CLPB: variants seen among roughly 807,000 people sequenced by gnomAD.
CLPB encodes the protein ClpB family mitochondrial disaggregase, also known as mitochondrial disaggregase.
A neutral mutation model predicts 78.4 loss-of-function variants in CLPB; 40 were observed. The observed-to-expected ratio is 0.51, with a 90% confidence interval of 0.40 to 0.66. The LOEUF (loss-of-function observed/expected upper bound fraction) is 0.66. CLPB is among the 30% of genes least tolerant of loss of function. The probability of loss-of-function intolerance (pLI) is 0.00; values close to 1 mark genes in which losing one functional copy is unlikely to be tolerated. For missense variants in CLPB, 780 were observed against 886.9 expected (o/e 0.88, Z 1.53); for synonymous variants, 333 against 348.0 (o/e 0.96, Z 0.48).
chr11:72,342,079 A>C (rs1362462574), intron 5 of CLPB, among the ~76,000 whole-genome samples: 1 of 152,212 alleles, frequency 6.6e-6, no homozygotes, highest in African/African-American at 2.4e-5. Context: ...AACACTTCCT[A>C]GTTTGAGCGA....
intron 3 of CLPB, among the ~76,000 whole-genome samples, chr11:72,381,237 G>A (rs1273923334): frequency 1.3e-5 from 2 of 152,134 alleles, no homozygotes; most frequent in Non-Finnish European, 2.9e-5. Flanking sequence ...ATGGGGGAAG[G>A]AGAGGGAAGT....
intron 4 of CLPB, among the ~76,000 whole-genome samples, chr11:72,362,530 T>C (rs564942796): frequency 6.8e-4 from 103 of 152,308 alleles, no homozygotes; most frequent in Admixed American, 1.1e-3. Flanking sequence ...GTCAACAGTA[T>C]TTGGTGGGGC....
intron 11 of CLPB, 108 bp from the exon 12 acceptor site, chr11:72,295,756 C>A: frequency 9.2e-7 from 1 of 1,081,450 alleles, no homozygotes; most frequent in Admixed American, 2.3e-5. Context: ...AGCCCTGTGT[C>A]TCCCTCCAGC....
At chr11:72,397,115 C>T (rs1855429180) in intron 3 of CLPB, among the ~76,000 whole-genome samples, 1 of 152,214 alleles carries the variant, frequency 6.6e-6, no homozygotes, top group Non-Finnish European at 1.5e-5. Context: ...ATTTCTGCCC[C>T]TAAAGTTCTG....
At chr11:72,321,518 C>T (rs530099294) in intron 6 of CLPB, among the ~76,000 whole-genome samples, 5 of 152,286 alleles carry the variant, frequency 3.3e-5, no homozygotes, top group South Asian at 4.1e-4. Flanking sequence ...GCTGGGAGGC[C>T]GAGGCGAAGC....
At position 72,434,428 on chromosome 11, in the gene CLPB, A is replaced by G; in HGVS notation, c.47T>C (p.Leu16Pro). ...VLRRKALAPR[L>P]LLRLLRSPTL... ...TGGGGACCTGAGCAGCCGGAGGAGT[A>G]GCCGTGGCGCCAGTGCTTTTCTCCT... The change falls in exon 1 of 16, where the codon CTA becomes CCA. Residue 16 changes from leucine (L) to proline (P), a missense_variant. Coordinates refer to ENST00000538039, the MANE Select transcript of CLPB (RefSeq NM_001258392.3). The G allele has an allele frequency of 6.3e-7, 1 of 1,585,674 alleles. No individual in the cohort carries two copies. The highest frequency in any genetic ancestry group is 8.6e-7 in the Non-Finnish European group (1 of 1,163,612).
intron 7 of CLPB, among the ~76,000 whole-genome samples, chr11:72,315,188 G>A (rs946858264): frequency 2.6e-5 from 4 of 152,142 alleles, no homozygotes; most frequent in Non-Finnish European, 5.9e-5. Flanking sequence ...CTATTTAAGA[G>A]ACCAGTGAAT....
chr11:72,331,235 C>T (rs551411513), intron 5 of CLPB, among the ~76,000 whole-genome samples: 21 of 151,912 alleles, frequency 1.4e-4, no homozygotes, highest in East Asian at 9.8e-4. Context: ...AACGCCATCT[C>T]TCCTAAAAAA....
rs1855610631 is a variant in CLPB, at chr11:72,403,071, A to G, written c.456-19T>C. 6.2e-7 allele frequency: 1 copy of G among 1,608,770 alleles called. No individual in the cohort carries two copies. The highest frequency in any genetic ancestry group is 1.7e-5 in the Admixed American group (1 of 59,984). On this transcript the variant is annotated intron_variant, in intron 2 of 15. Coordinates refer to ENST00000538039, the MANE Select transcript of CLPB (RefSeq NM_001258392.3). The stretch of plus-strand genomic sequence containing the variant: ...CAACAGCCTAAAACAAGACAGAGGA[A>G]TATTTTCAGTGTATGGCTTGACATC...
intron 6 of CLPB, among the ~76,000 whole-genome samples, chr11:72,319,052 T>A (rs1171021821): frequency 2.0e-5 from 3 of 152,330 alleles, no homozygotes; most frequent in Non-Finnish European, 2.9e-5. Flanking sequence ...AAGGGTTTGT[T>A]GGGTCAGTTT....
intron 2 of CLPB, among the ~76,000 whole-genome samples, chr11:72,418,044 A>G (rs953632051): frequency 1.3e-5 from 2 of 152,214 alleles, no homozygotes; most frequent in Non-Finnish European, 2.9e-5. Flanking sequence ...CCCAGCCTCA[A>G]AGAGGATTCT....
intron 5 of CLPB, chr11:72,354,174 C>G (rs1319381220): frequency 5.4e-6 from 2 of 370,414 alleles, no homozygotes; most frequent in East Asian, 7.7e-5. Context: ...AATATTCATG[C>G]TCTTCCCTTG....
rs1442139806 is a variant in CLPB at position 72,352,232 on chromosome 11, C to T, written c.775+6648G>A. 4.6e-5 allele frequency among the ~76,000 whole-genome samples: 7 copies of T among 152,184 alleles called. No individual in the cohort carries two copies. The East Asian group carries it at 1.3e-3, about 29-fold the overall frequency. On this transcript the variant is annotated intron_variant, in intron 5 of 15. Coordinates refer to ENST00000538039, the MANE Select transcript of CLPB (RefSeq NM_001258392.3). ...ATTGTACATTATTCCATTGTGTGAC[C>T]ATCCCACAATTTATTCATCCATTCA...
intron 3 of CLPB, among the ~76,000 whole-genome samples, chr11:72,397,149 T>C (rs1855430704): frequency 6.6e-6 from 1 of 152,206 alleles, no homozygotes; most frequent in East Asian, 1.9e-4. Context: ...GTCATATACA[T>C]GGAATTACAG....
chr11:72,308,480 C>T, intron 8 of CLPB, 47 bp downstream of exon 8: 1 of 1,554,770 alleles, frequency 6.4e-7, no homozygotes, highest in South Asian at 1.1e-5. Flanking sequence ...TTGGGCCGGG[C>T]ACTACCCTAG....
At chr11:72,417,801 C>T (rs1290952267) in intron 2 of CLPB, among the ~76,000 whole-genome samples, 1 of 152,064 alleles carries the variant, frequency 6.6e-6, no homozygotes, top group Non-Finnish European at 1.5e-5. Context: ...CTGTGTGACC[C>T]ATCTAGGGGT....
chr11:72,412,429 AGCTG>A (rs576316425), intron 2 of CLPB, among the ~76,000 whole-genome samples: 4 of 152,356 alleles, frequency 2.6e-5, no homozygotes, highest in Non-Finnish European at 5.9e-5. Flanking sequence ...CATGTTTCAT[AGCTG>A]GCTATTTCCT....
rs944055115 is a variant in CLPB at position 72,312,399 on chromosome 11, G to T, written c.989-3795C>A. The stretch of plus-strand genomic sequence containing the variant: ...ACAGGATACCGAGGCTCAGAGACGG[G>T]CAGTGTAAGGTGTTTCATCTACCTG... On this transcript the variant is annotated intron_variant, in intron 7 of 15. Transcript: ENST00000538039. The surrounding 1 kb of genome is among the most constrained non-coding windows in gnomAD (Gnocchi z 4.2). Among the ~76,000 whole-genome samples the T allele has an allele frequency of 6.6e-6, 1 of 152,184 alleles. No individual in the cohort carries two copies. Among genetic ancestry groups the T allele is most frequent in the Admixed American group, 6.5e-5 (1 of 15,282 alleles).
At chr11:72,430,282 G>T in intron 2 of CLPB, 30 bp downstream of exon 2, 1 of 1,604,694 alleles carries the variant, frequency 6.2e-7, no homozygotes, top group Non-Finnish European at 8.5e-7. Flanking sequence ...CTCTCCTGTA[G>T]GGGAGAGCAA....
Sources: allele counts gnomAD v4.1 joint callset (sites outside exome capture counted in the v4.1 genomes callset), GRCh38; gene constraint gnomAD v4.1.1; non-coding constraint Gnocchi (gnomAD v3.1); transcripts MANE v1.5; gene names NCBI Gene and HGNC (gene_info 2026-07-23, HGNC 2026-07-21).